Variants in EXOC4 observed in about 807,000 individuals in gnomAD.
EXOC4 encodes exocyst complex component 4, also known as SEC8-like 1.
Under a neutral mutation model 107.2 loss-of-function variants are expected in EXOC4, and 71 were observed. The ratio of observed to expected loss-of-function variants is 0.66; its 90% CI spans 0.55 to 0.81. The LOEUF (loss-of-function observed/expected upper bound fraction) is 0.81, where lower values mean the gene tolerates loss of function less well. Among genes scored for constraint, EXOC4 ranks in the 30% least tolerant of loss-of-function variants. The probability of loss-of-function intolerance (pLI) is 0.00; values close to 1 mark genes in which losing one functional copy is unlikely to be tolerated. For synonymous variants in EXOC4, 456 were observed against 441.2 expected (o/e 1.03, Z -0.42); for missense variants, 1,108 against 1,189.6 (o/e 0.93, Z 1.01).
At chr7:133,442,194 A>T (rs1215853650) in intron 7 of EXOC4, among the ~76,000 whole-genome samples, 7 of 152,118 alleles carry the variant, frequency 4.6e-5, no homozygotes. Context: ...TTTAGAAAGG[A>T]TATACTGGGC....
intron 9 of EXOC4, among the ~76,000 whole-genome samples, chr7:133,605,797 A>G (rs1001261543): frequency 1.4e-4 from 22 of 152,152 alleles, no homozygotes; most frequent in African/African-American, 5.3e-4. Flanking sequence ...TGGTACTTAA[A>G]GCCACCAGGT....
intron 10 of EXOC4, among the ~76,000 whole-genome samples, chr7:133,814,940 T>A (rs746847981): frequency 1.3e-5 from 2 of 152,144 alleles, no homozygotes; most frequent in Non-Finnish European, 2.9e-5. Context: ...GGTTATTCAT[T>A]TTATGTTTTC....
intron 9 of EXOC4, among the ~76,000 whole-genome samples, chr7:133,511,752 C>T (rs1350209030): frequency 6.6e-6 from 1 of 151,902 alleles, no homozygotes; most frequent in Non-Finnish European, 1.5e-5. Context: ...CCCCTCCCTT[C>T]CCATTCCTTC....
the EXOC4 span, among the ~76,000 whole-genome samples, chr7:134,090,513 T>G: frequency 2.6e-5 from 4 of 152,230 alleles, no homozygotes; most frequent in East Asian, 7.8e-4. Flanking sequence ...ATCAGAACTT[T>G]ACAGAGGAGA....
At position 133,508,544 on chromosome 7, in the gene EXOC4, CA is replaced by C. The variant is rs1337407465; in HGVS notation, c.1417+28409del. On this transcript the variant is annotated intron_variant, in intron 9 of 17. Coordinates refer to ENST00000253861, the MANE Select transcript of EXOC4 (RefSeq NM_021807.4). ...TTATCTTATTTCCCCTGGAGAAGAT[CA>C]AACCTAATAGAATTATGCATGCGCT... Among the ~76,000 whole-genome samples the C allele has an allele frequency of 7.9e-4, 121 of 152,292 alleles. 2 individuals carry two copies. The highest frequency in any genetic ancestry group is 2.5e-4 in the Non-Finnish European group (17 of 68,020).
intron 11 of EXOC4, among the ~76,000 whole-genome samples, chr7:133,854,967 C>G (rs1312679456): frequency 1.4e-5 from 2 of 146,716 alleles, no homozygotes; most frequent in Non-Finnish European, 3.0e-5. Context: ...GTAGATGACA[C>G]AGTGCTGCCC....
intron 5 of EXOC4, among the ~76,000 whole-genome samples, chr7:133,325,679 A>G (rs1042086197): frequency 2.0e-5 from 3 of 151,938 alleles, no homozygotes; most frequent in Admixed American, 6.6e-5. Context: ...TGAATCTGAC[A>G]ATTATTTGCC....
chr7:133,299,320 T>C (rs897393852), intron 3 of EXOC4, among the ~76,000 whole-genome samples: 7 of 152,174 alleles, frequency 4.6e-5, no homozygotes, highest in Non-Finnish European at 7.3e-5. Flanking sequence ...AGAAAGTTCT[T>C]AGTTTTCATC....
At position 133,758,631 on chromosome 7, in the gene EXOC4, G is replaced by A. The variant is rs1332996462; in HGVS notation, c.1515-58694G>A. 2.6e-5 allele frequency among the ~76,000 whole-genome samples: 4 copies of A among 152,190 alleles called. No homozygotes were observed. The East Asian group carries it at 5.8e-4, about 22-fold the overall frequency. ...CCATGAGGGCACTGGGGATGAACAC[G>A]TGTTCTTTGTTTCACTTATATTTCG... On this transcript the variant is annotated intron_variant, in intron 10 of 17. Coordinates refer to ENST00000253861, the MANE Select transcript of EXOC4 (RefSeq NM_021807.4).
intron 14 of EXOC4, among the ~76,000 whole-genome samples, chr7:133,981,385 G>GA (rs1793975232): frequency 6.6e-6 from 1 of 151,980 alleles, no homozygotes; most frequent in Non-Finnish European, 1.5e-5. Flanking sequence ...TAGATGGAGT[G>GA]AAAAATACTG....
intron 10 of EXOC4, among the ~76,000 whole-genome samples, chr7:133,754,762 TTTTC>T (rs1453438077): frequency 6.6e-6 from 1 of 152,134 alleles, no homozygotes; most frequent in Non-Finnish European, 1.5e-5. Flanking sequence ...TTAATAATAA[TTTTC>T]TTTCTGTCTT....
At chr7:133,349,417 T>G (rs1046581773) in intron 5 of EXOC4, among the ~76,000 whole-genome samples, 2 of 152,224 alleles carry the variant, frequency 1.3e-5, no homozygotes, top group African/African-American at 2.4e-5. Flanking sequence ...GTATTTGTCT[T>G]TCTTTTGACT....
At chr7:133,573,709 G>C (rs1462270377) in intron 9 of EXOC4, among the ~76,000 whole-genome samples, 1 of 151,974 alleles carries the variant, frequency 6.6e-6, no homozygotes, top group Non-Finnish European at 1.5e-5. Context: ...TTGTGCAGTG[G>C]CATGGTCATA....
At chr7:133,881,462 T>C (rs1798965832) in intron 11 of EXOC4, among the ~76,000 whole-genome samples, 1 of 152,188 alleles carries the variant, frequency 6.6e-6, no homozygotes, top group Admixed American at 6.5e-5. Context: ...CCTTCTCACC[T>C]CTGTCTCTCT....
intron 11 of EXOC4, among the ~76,000 whole-genome samples, chr7:133,867,351 T>C (rs1023362673): frequency 6.6e-6 from 1 of 152,224 alleles, no homozygotes; most frequent in African/African-American, 2.4e-5. Flanking sequence ...TTAAACACAG[T>C]AGTCAGTACT....
intron 9 of EXOC4, among the ~76,000 whole-genome samples, chr7:133,621,902 T>A (rs1802338461): frequency 6.6e-6 from 1 of 152,200 alleles, no homozygotes; most frequent in Non-Finnish European, 1.5e-5. Flanking sequence ...GTGGAAATGA[T>A]CTGTGGTAAC....
Position 134,046,764 on chromosome 7 carries a change from C to T in EXOC4, c.2688-17527C>T, listed in dbSNP as rs182849580. On this transcript the variant is annotated intron_variant, in intron 17 of 17. Transcript: ENST00000253861. ...GAACCCAGGGACTCCCATGCCTTTG[C>T]ATTTTCTCCTCGCTTTTGTCCCCAG... 1.2e-3 allele frequency among the ~76,000 whole-genome samples: 187 copies of T among 152,272 alleles called. 1 individual carries two copies. Among genetic ancestry groups the T allele is most frequent in the South Asian group, 3.1e-3 (15 of 4,830 alleles).
At chr7:133,766,895 T>C (rs369218092) in intron 10 of EXOC4, among the ~76,000 whole-genome samples, 1 of 151,892 alleles carries the variant, frequency 6.6e-6, no homozygotes, top group Admixed American at 6.6e-5. Context: ...CCCAGTGGAG[T>C]TGAGTCTTTC....
At chr7:133,973,965 CG>C (rs1210516683) in intron 14 of EXOC4, among the ~76,000 whole-genome samples, 1 of 152,152 alleles carries the variant, frequency 6.6e-6, no homozygotes, top group Non-Finnish European at 1.5e-5. Context: ...GAAAAAGGGA[CG>C]GGGCCGCAAA....
Sources: gnomAD v4.1 joint callset for allele counts (sites outside exome capture counted in the v4.1 genomes callset) on GRCh38, gnomAD v4.1.1 for gene constraint, MANE v1.5 for transcripts, NCBI Gene and HGNC (gene_info 2026-07-23, HGNC 2026-07-21) for gene names.